The following OR2T11 variants were observed in gnomAD, a reference collection of about 807,000 sequenced individuals.
OR2T11 encodes olfactory receptor family 2 subfamily T member 11, also known as olfactory receptor 2T11.
Under a neutral mutation model 13.5 loss-of-function variants are expected in OR2T11, and 14 were observed. That is an observed-to-expected ratio of 1.04 (90% CI 0.69 to 1.62). The LOEUF (loss-of-function observed/expected upper bound fraction) is 1.62. Ranked by LOEUF, OR2T11 falls within the 40% of genes most tolerant of loss-of-function variation. The pLI is 0.00. For missense variants in OR2T11, 410 were observed against 389.7 expected (o/e 1.05, Z -0.44); for synonymous variants, 163 against 154.6 (o/e 1.05, Z -0.40).
chr1:248,633,637 C>G (rs1188235369), intron 1 of OR2T11, among the ~76,000 whole-genome samples: 1 of 139,440 alleles, frequency 7.2e-6, no homozygotes, highest in African/African-American at 2.9e-5. Context: ...ATGGTTTTAA[C>G]TATGTTCAAA....
intron 1 of OR2T11, among the ~76,000 whole-genome samples, chr1:248,633,630 GTT>G (rs1384367626): frequency 7.2e-6 from 1 of 139,056 alleles, no homozygotes; most frequent in Admixed American, 7.0e-5. Flanking sequence ...CAAAGATATG[GTT>G]TTAACTATGT....
rs1331761029 is a variant in OR2T11, at chr1:248,631,392, T to C, written c.-145+3646A>G. Among the ~76,000 whole-genome samples, 2 of 143,114 alleles carry C rather than the reference T, an allele frequency of 1.4e-5. 1 individual carries two copies. Among genetic ancestry groups the C allele is most frequent in the African/African-American group, 5.5e-5 (2 of 36,182 alleles). The allele number at this position is 143,114 out of a possible 152,430, so 93.9% of individuals were successfully genotyped here. A position where few individuals can be genotyped will look rare whatever the true frequency, so the allele number is the denominator to read the frequency against. ...GGGTCGATCACTAATTATCACCATCTCACAGCTGGTAAAACTGAGGCTCAG... is the reference window on the plus strand; with the variant it reads ...GGGTCGATCACTAATTATCACCATCCCACAGCTGGTAAAACTGAGGCTCAG... On this transcript the variant is annotated intron_variant, in intron 1 of 1. Coordinates refer to ENST00000641193, the MANE Select transcript of OR2T11 (RefSeq NM_001001964.2).
At chr1:248,634,745 A>T (rs4916148) in intron 1 of OR2T11, among the ~76,000 whole-genome samples, 127,792 of 138,758 alleles carry the variant, frequency 0.92, 60,664 homozygotes, top group East Asian at 1. Flanking sequence ...CTTCATTTAA[A>T]GTCAGTTGTC....
rs1420148475 is a variant in OR2T11 at position 248,632,075 on chromosome 1, A to T, written c.-145+2963T>A. ...TATCTCAATTACATTGATCTTTACA[A>T]ATCATATGAATGTGTTATCACATGT... On this transcript the variant is annotated intron_variant, in intron 1 of 1. Transcript: ENST00000641193. Among the ~76,000 whole-genome samples the T allele has an allele frequency of 4.2e-5, 6 of 143,884 alleles. 1 individual carries two copies. The highest frequency in any genetic ancestry group is 1.4e-4 in the African/African-American group (5 of 36,696). 94.4% of individuals were successfully genotyped at this position (143,884 alleles called of 152,430 possible). A position where few individuals can be genotyped will look rare whatever the true frequency, so the allele number is the denominator to read the frequency against.
Position 248,626,369 on chromosome 1 carries a change from AG to A in OR2T11, c.759del (p.Tyr254ThrfsTer17). The A allele has an allele frequency of 6.4e-7, 1 of 1,573,336 alleles. No individual in the cohort carries two copies. Among genetic ancestry groups the A allele is most frequent in the South Asian group, 1.1e-5 (1 of 88,920 alleles). ...AAGGACTGGGGCAGCACGTATGTGT[AG>A]AAGGCAGCCCCATAGAAGATGCTAA... ...TVVSIFYGAA[F>X]YTYVLPQSFH... On this transcript the variant is annotated frameshift_variant, in exon 2 of 2. Coordinates refer to ENST00000641193, the MANE Select transcript of OR2T11 (RefSeq NM_001001964.2). LOFTEE classifies it high-confidence loss of function.
intron 1 of OR2T11, among the ~76,000 whole-genome samples, chr1:248,633,967 G>A (rs1415774691): frequency 8.4e-6 from 1 of 119,486 alleles, no homozygotes; most frequent in Non-Finnish European, 1.7e-5. Context: ...CAGTGAAGCT[G>A]GAAATAATTT....
chr1:248,629,313 A>C (rs1660571627), intron 1 of OR2T11, among the ~76,000 whole-genome samples: 1 of 142,758 alleles, frequency 7.0e-6, no homozygotes, highest in Non-Finnish European at 1.5e-5. Flanking sequence ...GAATTGCTTG[A>C]GGCTAGGAGT....
At position 248,626,529 on chromosome 1, in the gene OR2T11, ACAG is replaced by A. The variant is rs1660522771; in HGVS notation, c.597_599del (p.Cys200del). The A allele has an allele frequency of 6.4e-7, 1 of 1,568,292 alleles. No individual in the cohort carries two copies. The highest frequency in any genetic ancestry group is 1.1e-5 in the South Asian group (1 of 88,828). On this transcript the variant is annotated inframe_deletion, in exon 2 of 2. Transcript: ENST00000641193. ...AGATGGGGATGAGCAACATGAGGAC[ACAG>A]CAGATGTACATCAGAGTTTCATACA... is the stretch of plus-strand genomic sequence containing the variant.
intron 1 of OR2T11, among the ~76,000 whole-genome samples, chr1:248,631,196 C>G (rs1460995772): frequency 7.0e-6 from 1 of 143,676 alleles, no homozygotes; most frequent in African/African-American, 2.7e-5. Context: ...TTTGGTACCA[C>G]AGCCATAGGG....
intron 1 of OR2T11, among the ~76,000 whole-genome samples, chr1:248,628,660 G>A (rs1398269722): frequency 7.0e-6 from 1 of 143,050 alleles, no homozygotes; most frequent in Non-Finnish European, 1.5e-5. Context: ...GTTTCACAAA[G>A]GTACCAGAAT....
Position 248,626,657 on chromosome 1 carries a change from G to A in OR2T11, c.472C>T (p.Pro158Ser). The A allele has an allele frequency of 1.3e-6, 2 of 1,572,476 alleles. No homozygotes were observed. Among genetic ancestry groups the A allele is most frequent in the Non-Finnish European group, 8.7e-7 (1 of 1,156,002 alleles). ...CAGTAAGGGACATTCATGGTGATGG[G>A]AGTGAGCAGAAAGCCATCGAGGGAG... The part of the protein sequence containing the change: ...GGSLDGFLLT[P>S]ITMNVPYCGS... Residue 158 changes from proline (P) to serine (S), a missense_variant, in exon 2 of 2, where the codon CCC (proline) becomes TCC (serine). By Grantham distance (74) the Pro-to-Ser change is moderately conservative. Coordinates refer to ENST00000641193, the MANE Select transcript of OR2T11 (RefSeq NM_001001964.2).
chr1:248,630,240 C>CA lies in OR2T11; in HGVS notation c.-144-2969dup, dbSNP rs71664703. Among the ~76,000 whole-genome samples, 67 of 141,088 alleles carry CA rather than the reference C, an allele frequency of 4.7e-4. 11 individuals carry two copies. Among genetic ancestry groups the CA allele is most frequent in the African/African-American group, 1.7e-3 (59 of 35,612 alleles). 92.6% of individuals were successfully genotyped at this position (141,088 alleles called of 152,430 possible). A position where few individuals can be genotyped will look rare whatever the true frequency, so the allele number is the denominator to read the frequency against. On this transcript the variant is annotated intron_variant, in intron 1 of 1. Coordinates refer to ENST00000641193, the MANE Select transcript of OR2T11 (RefSeq NM_001001964.2). ...GTGTTTATCTTCAATGCAAAATAGA[C>CA]AAAAAAATGGGATCCACCAATATTT...
rs2103102611 is a variant in OR2T11, at chr1:248,629,537, C to A, written c.-144-2265G>T. ...TTCCACGAACTTTCCCACGATCTCC[C>A]TGCTGTCTCATGAATCCCTCCAAGT... On this transcript the variant is annotated intron_variant, in intron 1 of 1. Transcript: ENST00000641193. Among the ~76,000 whole-genome samples the A allele has an allele frequency of 1.4e-5, 2 of 141,462 alleles. 1 individual carries two copies. Among genetic ancestry groups the A allele is most frequent in the East Asian group, 4.1e-4 (2 of 4,880 alleles). 92.8% of individuals were successfully genotyped at this position (141,462 alleles called of 152,430 possible). A position where few individuals can be genotyped will look rare whatever the true frequency, so the allele number is the denominator to read the frequency against.
chr1:248,630,674 C>T (rs761804558), intron 1 of OR2T11, among the ~76,000 whole-genome samples: 2 of 143,856 alleles, frequency 1.4e-5, no homozygotes, highest in Non-Finnish European at 3.0e-5. Context: ...TTCAATAATG[C>T]CATAGGGCTT....
chr1:248,626,754 G>T lies in OR2T11; in HGVS notation c.375C>A (p.Asn125Lys), dbSNP rs376670364. 21 of 1,572,464 alleles carry T rather than the reference G, an allele frequency of 1.3e-5. 1 individual carries two copies. Among genetic ancestry groups the T allele is most frequent in the Middle Eastern group, 1.7e-4 (1 of 5,996 alleles). The change falls in exon 2 of 2, where the codon AAC becomes AAA. Residue 125 changes from asparagine (N) to lysine (K), a missense_variant. Asn to Lys is a moderately conservative substitution (Grantham distance 94, BLOSUM62 0). Transcript: ENST00000641193. The stretch of plus-strand genomic sequence containing the variant: ...TCATCAGGACTGGGTATCTCAGAGG[G>T]TTACAGACAGCCACGTAGCAGTCAT... ...MAYDCYVAVC[N>K]PLRYPVLMNR...
At chr1:248,631,258 G>T (rs1413182616) in intron 1 of OR2T11, among the ~76,000 whole-genome samples, 1 of 143,622 alleles carries the variant, frequency 7.0e-6, no homozygotes, top group African/African-American at 2.7e-5. Context: ...ACAAAACTGA[G>T]ACATGTTGCA....
rs1456897101 is a variant in OR2T11, at chr1:248,627,112, G to A, written c.17C>T (p.Ser6Phe). The A allele has an allele frequency of 3.2e-6, 5 of 1,551,432 alleles. 1 individual carries two copies. Among genetic ancestry groups the A allele is most frequent in the Non-Finnish European group, 4.4e-6 (5 of 1,138,896 alleles). Residue 6 changes from serine to phenylalanine, a missense_variant, in exon 2 of 2, where the codon TCC becomes TTC. Transcript: ENST00000641193. MTNTS[S>F]SDFTLLGLLV... ...AAGCCCCAGGAGGGTGAAGTCAGAG[G>A]ATGATGTGTTCGTCATTGATATGGC...
rs373592782 is a variant in OR2T11, at chr1:248,626,676, G to A, written c.453C>T (p.Leu151=). Residue 151 remains leucine, a synonymous_variant, in exon 2 of 2, where the codon CTC becomes CTT. Transcript: ENST00000641193. ...TGATGGGAGTGAGCAGAAAGCCATCGAGGGAGCCCCCAAACCAGGCACCAG... is the reference window on the plus strand; with the variant it reads ...TGATGGGAGTGAGCAGAAAGCCATCAAGGGAGCCCCCAAACCAGGCACCAG... ...LAAGAWFGGS[L]DGFLLTPITM... 141 of 1,573,068 alleles carry A rather than the reference G, an allele frequency of 9.0e-5. 17 individuals are homozygous for A. Among genetic ancestry groups the A allele is most frequent in the South Asian group, 1.1e-4 (10 of 88,900 alleles).
chr1:248,626,460 G>C lies in OR2T11; in HGVS notation c.669C>G (p.His223Gln). 6.4e-7 allele frequency: 1 copy of C among 1,572,938 alleles called. No homozygotes were observed. The highest frequency in any genetic ancestry group is 8.6e-7 in the Non-Finnish European group (1 of 1,156,656). ...TSYSLILLTI[H>Q]RMPSAEGRKK... ...TGCGACCTTCAGCAGAGGGCATGCG[G>C]TGGATGGTTAACAAGATGAGGGAGT... is the stretch of plus-strand genomic sequence containing the variant. Residue 223 changes from histidine to glutamine, a missense_variant, in exon 2 of 2, where the codon CAC (histidine) becomes CAG (glutamine). His to Gln is a conservative substitution (Grantham distance 24). Coordinates refer to ENST00000641193, the MANE Select transcript of OR2T11 (RefSeq NM_001001964.2).
Sources: allele counts gnomAD v4.1 joint callset (sites outside exome capture counted in the v4.1 genomes callset), GRCh38; gene constraint gnomAD v4.1.1; transcripts MANE v1.5; gene names NCBI Gene and HGNC (gene_info 2026-07-23, HGNC 2026-07-21).